CRPPA: variants seen among roughly 807,000 people sequenced by gnomAD.
CRPPA encodes the protein CDP-L-ribitol pyrophosphorylase A.
Under a neutral mutation model 52.0 loss-of-function variants are expected in CRPPA, and 43 were observed. The observed-to-expected ratio is 0.83, with a 90% CI of 0.65 to 1.07. The LOEUF (loss-of-function observed/expected upper bound fraction) is 1.07. CRPPA is among the 50% of genes least tolerant of loss of function. The probability of loss-of-function intolerance (pLI) is 0.00; values close to 1 mark genes in which losing one functional copy is unlikely to be tolerated. For synonymous variants in CRPPA, 250 were observed against 203.5 expected (o/e 1.23, Z -1.94); for missense variants, 629 against 551.7 (o/e 1.14, Z -1.40).
chr7:16,286,070 TATATATATATAATATTTAAAAAAAAAA>T (rs1562608557), intron 5 of CRPPA, among the ~76,000 whole-genome samples: 19 of 21,740 alleles, frequency 8.7e-4, no homozygotes, highest in Non-Finnish European at 1.2e-3. Flanking sequence ...TATATATATA[TATATATATATAATATTTAAAAAAAAAA>T]ATATATATAT....
At chr7:16,171,747 T>C (rs919953001) in intron 9 of CRPPA, among the ~76,000 whole-genome samples, 1 of 152,126 alleles carries the variant, frequency 6.6e-6, no homozygotes, top group Non-Finnish European at 1.5e-5. Flanking sequence ...GAGCCGAGAC[T>C]GTGCCACTGC....
At chr7:16,237,560 C>T (rs1782986442) in intron 8 of CRPPA, 1 of 152,162 alleles carries the variant, frequency 6.6e-6, no homozygotes. Flanking sequence ...GGGACACAAA[C>T]ATTCAGTCCA....
At chr7:16,292,948 T>C (rs975511404) in intron 5 of CRPPA, among the ~76,000 whole-genome samples, 2 of 151,932 alleles carry the variant, frequency 1.3e-5, no homozygotes, top group Non-Finnish European at 2.9e-5. Context: ...TCAGGGGTCT[T>C]TTGATTTAAT....
intron 8 of CRPPA, chr7:16,216,626 T>C (rs1004635603): frequency 2.7e-4 from 43 of 157,372 alleles, no homozygotes; most frequent in Non-Finnish European, 4.1e-4. Context: ...TTGCCTCACT[T>C]GGGAAGCGCA....
chr7:16,156,045 T>A (rs1783173013), intron 9 of CRPPA, among the ~76,000 whole-genome samples: 1 of 151,776 alleles, frequency 6.6e-6, no homozygotes, highest in African/African-American at 2.4e-5. Context: ...GACTACATCT[T>A]TTTTATATAT....
intron 9 of CRPPA, among the ~76,000 whole-genome samples, chr7:16,189,216 T>C (rs1454554840): frequency 1.3e-5 from 2 of 152,126 alleles, no homozygotes; most frequent in Non-Finnish European, 2.9e-5. Flanking sequence ...ACAACCTTCA[T>C]TGGCAACTGG....
At chr7:16,163,880 G>T (rs937506233) in intron 9 of CRPPA, among the ~76,000 whole-genome samples, 2 of 152,224 alleles carry the variant, frequency 1.3e-5, no homozygotes, top group Admixed American at 1.3e-4. Context: ...TCTGCTGAGA[G>T]ATCTGCTGTT....
At chr7:16,160,534 G>T (rs1053912800) in intron 9 of CRPPA, among the ~76,000 whole-genome samples, 1 of 152,012 alleles carries the variant, frequency 6.6e-6, no homozygotes, top group African/African-American at 2.4e-5. Flanking sequence ...TGTATGTTTT[G>T]ATAGCAGTAC....
At chr7:16,163,677 T>C (rs1335303990) in intron 9 of CRPPA, among the ~76,000 whole-genome samples, 3 of 152,214 alleles carry the variant, frequency 2.0e-5, no homozygotes, top group East Asian at 1.9e-4. Context: ...CCATATTTAG[T>C]GCTTCCTTCA....
At chr7:16,241,228 A>G (rs1397542072) in intron 8 of CRPPA, among the ~76,000 whole-genome samples, 1 of 152,142 alleles carries the variant, frequency 6.6e-6, no homozygotes, top group East Asian at 1.9e-4. Context: ...CTGTTCAAAT[A>G]CTAAATATTT....
intron 9 of CRPPA, among the ~76,000 whole-genome samples, chr7:16,118,157 T>C (rs530007438): frequency 3.3e-5 from 5 of 152,320 alleles, no homozygotes; most frequent in African/African-American, 4.8e-5. Context: ...CTGTTCTATA[T>C]CAACTCTTCA....
intron 5 of CRPPA, among the ~76,000 whole-genome samples, chr7:16,299,581 C>T (rs1784748239): frequency 6.6e-6 from 1 of 152,038 alleles, no homozygotes; most frequent in Admixed American, 6.6e-5. Context: ...TCAAAGTGTA[C>T]CAGAAGCATC....
chr7:16,145,642 T>TGA (rs34238820), intron 9 of CRPPA, among the ~76,000 whole-genome samples: 51,753 of 147,806 alleles, frequency 0.35, 9,724 homozygotes, highest in East Asian at 0.62. Flanking sequence ...AAAACTATCA[T>TGA]AAAAAAAAAA....
intron 5 of CRPPA, among the ~76,000 whole-genome samples, chr7:16,286,343 C>G (rs1784448234): frequency 6.6e-6 from 1 of 151,606 alleles, no homozygotes; most frequent in African/African-American, 2.4e-5. Flanking sequence ...GAGACATCCA[C>G]TCTTCAGATT....
intron 8 of CRPPA, among the ~76,000 whole-genome samples, chr7:16,247,346 G>C (rs568989077): frequency 1.3e-5 from 2 of 152,288 alleles, no homozygotes; most frequent in East Asian, 3.9e-4. Flanking sequence ...AGGGGTCATT[G>C]TAGGGTTATT....
chr7:16,275,109 G>A (rs1347429574), intron 6 of CRPPA, among the ~76,000 whole-genome samples: 1 of 151,910 alleles, frequency 6.6e-6, no homozygotes, highest in African/African-American at 2.4e-5. Flanking sequence ...GGGATAAATT[G>A]GCAGCACATA....
At chr7:16,265,137 C>T (rs1045104694) in intron 6 of CRPPA, among the ~76,000 whole-genome samples, 1 of 152,140 alleles carries the variant, frequency 6.6e-6, no homozygotes, top group Admixed American at 6.5e-5. Flanking sequence ...GGTTACCAGT[C>T]GGCTAGGTTA....
At chr7:16,192,777 C>T (rs1020381226) in intron 9 of CRPPA, among the ~76,000 whole-genome samples, 7 of 152,126 alleles carry the variant, frequency 4.6e-5, no homozygotes, top group African/African-American at 1.7e-4. Flanking sequence ...GCTCAATACC[C>T]TCTAACAAAC....
chr7:16,367,494 A>G (rs10258486), intron 3 of CRPPA, among the ~76,000 whole-genome samples: 113,107 of 147,756 alleles, frequency 0.77, 43,768 homozygotes, highest in African/African-American at 0.84. Context: ...AGTATTTAAA[A>G]CCCAAACTTG....
Sources: gnomAD v4.1 joint callset for allele counts (sites outside exome capture counted in the v4.1 genomes callset) on GRCh38, gnomAD v4.1.1 for gene constraint, MANE v1.5 for transcripts, NCBI Gene and HGNC (gene_info 2026-07-23, HGNC 2026-07-21) for gene names.